The following LRP1B variants were observed in gnomAD, a reference collection of about 807,000 sequenced individuals.
The protein encoded by LRP1B is low-density lipoprotein receptor-related protein 1B.
In LRP1B, 217 loss-of-function variants were observed where a neutral mutation model predicts 556.6. The observed-to-expected ratio is 0.39, with a 90% confidence interval of 0.35 to 0.44. The LOEUF is 0.44. Ranked by LOEUF, LRP1B falls within the 20% of genes least tolerant of loss-of-function variation. The pLI is 1.00. For missense variants in LRP1B, 5,053 were observed against 5,620.8 expected (o/e 0.90, Z 3.23); for synonymous variants, 2,047 against 1,865.8 (o/e 1.10, Z -2.50).
chr2:141,332,297 CG>C (rs1419795907), intron 3 of LRP1B, among the ~76,000 whole-genome samples: 1 of 152,034 alleles, frequency 6.6e-6, no homozygotes, highest in Non-Finnish European at 1.5e-5. Context: ...TATCATGAAA[CG>C]TATTTTGTAA....
chr2:140,370,533 T>G (rs1242238492), intron 71 of LRP1B, among the ~76,000 whole-genome samples, 177 bp downstream of exon 71: 8 of 152,022 alleles, frequency 5.3e-5, no homozygotes, highest in Admixed American at 5.3e-4. Flanking sequence ...ATACTCTGTC[T>G]GACAATGATC....
chr2:141,625,268 T>A (rs1483986433), intron 2 of LRP1B, among the ~76,000 whole-genome samples: 1 of 152,194 alleles, frequency 6.6e-6, no homozygotes, highest in Non-Finnish European at 1.5e-5. Context: ...CAAAAATGTA[T>A]GTAATTATTC....
At chr2:140,772,395 C>T (rs951372939) in intron 33 of LRP1B, among the ~76,000 whole-genome samples, 58 of 152,120 alleles carry the variant, frequency 3.8e-4, no homozygotes, top group South Asian at 3.3e-3. Context: ...TCGCAACCTC[C>T]GCTTCCCAGG....
chr2:140,233,578 T>C (rs560910480), intron 90 of LRP1B, among the ~76,000 whole-genome samples: 54 of 151,324 alleles, frequency 3.6e-4, no homozygotes, highest in East Asian at 1.8e-3. Flanking sequence ...CTTTGCCATA[T>C]ACAAAAAGCC....
chr2:140,349,698 G>A (rs1305039793), intron 77 of LRP1B, among the ~76,000 whole-genome samples: 1 of 151,962 alleles, frequency 6.6e-6, no homozygotes, highest in Non-Finnish European at 1.5e-5. Context: ...AACAACAGAT[G>A]CCATGTTACC....
At chr2:141,192,760 C>T (rs984532959) in intron 6 of LRP1B, among the ~76,000 whole-genome samples, 8 of 150,624 alleles carry the variant, frequency 5.3e-5, no homozygotes, top group African/African-American at 1.2e-4. Context: ...TCTGAAATAT[C>T]GATAACTCTA....
chr2:141,212,574 A>T (rs778761557), intron 6 of LRP1B, among the ~76,000 whole-genome samples: 27 of 151,866 alleles, frequency 1.8e-4, no homozygotes, highest in Non-Finnish European at 3.1e-4. Flanking sequence ...GTGAGCGACC[A>T]TGCCGGCCAA....
intron 6 of LRP1B, among the ~76,000 whole-genome samples, chr2:141,208,721 T>C (rs1214943127): frequency 3.3e-5 from 5 of 151,022 alleles, no homozygotes; most frequent in Admixed American, 3.3e-4. Context: ...TACAAAAAAT[T>C]AGCTGGGCGT....
intron 3 of LRP1B, among the ~76,000 whole-genome samples, chr2:141,449,111 T>G (rs927206818): frequency 6.6e-6 from 1 of 152,232 alleles, no homozygotes; most frequent in African/African-American, 2.4e-5. Flanking sequence ...GCCATTACCT[T>G]TTTTGTTAAA....
chr2:140,271,464 T>G (rs1325078921), intron 85 of LRP1B, among the ~76,000 whole-genome samples: 1 of 152,000 alleles, frequency 6.6e-6, no homozygotes, highest in Non-Finnish European at 1.5e-5. Context: ...ATAGGTGAGA[T>G]GCCTAAAAAT....
intron 2 of LRP1B, among the ~76,000 whole-genome samples, chr2:141,699,628 G>A (rs889043500): frequency 6.6e-6 from 1 of 151,374 alleles, no homozygotes; most frequent in Non-Finnish European, 1.5e-5. Context: ...GCCAAAATAT[G>A]CTTCTGTATG....
intron 1 of LRP1B, among the ~76,000 whole-genome samples, chr2:142,081,054 T>C (rs1362071552): frequency 3.3e-5 from 5 of 151,938 alleles, no homozygotes; most frequent in African/African-American, 9.7e-5. Context: ...AATAAACCTA[T>C]GCACTCTTTC....
chr2:141,357,212 C>T (rs537647509), intron 3 of LRP1B, among the ~76,000 whole-genome samples: 12 of 151,996 alleles, frequency 7.9e-5, no homozygotes, highest in South Asian at 2.1e-4. Context: ...TGCACCACCA[C>T]GCCCAGCTAA....
intron 3 of LRP1B, among the ~76,000 whole-genome samples, chr2:141,347,898 A>G (rs1688310459): frequency 1.3e-5 from 2 of 152,108 alleles, no homozygotes; most frequent in Admixed American, 1.3e-4. Flanking sequence ...TAATCTTTCA[A>G]AAGTTGAATG....
At chr2:140,440,025 A>C (rs1327473883) in intron 66 of LRP1B, among the ~76,000 whole-genome samples, 1 of 152,134 alleles carries the variant, frequency 6.6e-6, no homozygotes, top group Admixed American at 6.6e-5. Flanking sequence ...AATTTAAATA[A>C]AAACAGAACA....
intron 1 of LRP1B, among the ~76,000 whole-genome samples, chr2:141,890,358 TGC>T: frequency 1.4e-5 from 1 of 73,364 alleles, no homozygotes; most frequent in African/African-American, 4.5e-5. Flanking sequence ...ATATGTATTG[TGC>T]ATATATATAT....
intron 1 of LRP1B, among the ~76,000 whole-genome samples, chr2:142,016,811 G>C (rs972130160): frequency 7.6e-6 from 1 of 132,206 alleles, no homozygotes; most frequent in African/African-American, 2.7e-5. Flanking sequence ...ATTTATCCCA[G>C]AACTTAAAGT....
intron 1 of LRP1B, among the ~76,000 whole-genome samples, chr2:142,008,988 A>G (rs974739794): frequency 6.6e-6 from 1 of 152,160 alleles, no homozygotes; most frequent in Non-Finnish European, 1.5e-5. Context: ...AGATCAGCAA[A>G]ACCATGCACT....
At chr2:140,264,700 A>ATG (rs1558756180) in intron 86 of LRP1B, among the ~76,000 whole-genome samples, 2 of 94,234 alleles carry the variant, frequency 2.1e-5, no homozygotes, top group African/African-American at 7.6e-5. Context: ...AATTGTCTAT[A>ATG]TATGTGTGTG....
Sources: gnomAD v4.1 joint callset for allele counts (sites outside exome capture counted in the v4.1 genomes callset) on GRCh38, gnomAD v4.1.1 for gene constraint, MANE v1.5 for transcripts, NCBI Gene and HGNC (gene_info 2026-07-23, HGNC 2026-07-21) for gene names.